Variants in LDB2 observed in about 807,000 individuals in gnomAD.
The protein encoded by LDB2 is LIM domain-binding protein 2.
Under a neutral mutation model 44.3 loss-of-function variants are expected in LDB2, and 12 were observed. The observed-to-expected ratio is 0.27, with a 90% CI of 0.17 to 0.44. The LOEUF is 0.44. Ranked by LOEUF, LDB2 falls within the 20% of genes least tolerant of loss-of-function variation. LDB2 has a pLI of 1.00. For missense variants in LDB2, 344 were observed against 473.5 expected (o/e 0.73, Z 2.54); for synonymous variants, 164 against 174.8 (o/e 0.94, Z 0.49).
rs764758486 is a variant in LDB2 at position 16,872,288 on chromosome 4, C to T, written c.132+26066G>A. 2.2e-4 allele frequency among the ~76,000 whole-genome samples: 33 copies of T among 151,770 alleles called. 1 individual carries two copies. The Middle Eastern group carries it at 0.017, about 78-fold the overall frequency. ...GTCTCTATCCTGTGACTGTATTTTT[C>T]TTCATATTATTTTTATTCTTTTATC... On this transcript the variant is annotated intron_variant, in intron 1 of 7. Transcript: ENST00000304523.
chr4:16,885,973 T>C (rs914654991), intron 1 of LDB2, among the ~76,000 whole-genome samples: 1 of 152,128 alleles, frequency 6.6e-6, no homozygotes, highest in Non-Finnish European at 1.5e-5. Flanking sequence ...CCCAGCACTT[T>C]GGGAGGCCGA....
In LDB2 at chr4:16,640,028, A is replaced by G. The variant is rs189863951; in HGVS notation, c.236-44153T>C. 2.3e-4 allele frequency among the ~76,000 whole-genome samples: 35 copies of G among 152,298 alleles called. No homozygotes were observed. The East Asian group carries it at 5.8e-3, about 25-fold the overall frequency. ...CTAATTCCCAAATTTTCATCTATCC[A>G]TCTGTCCATCCTTCTGTTAATTATT... On this transcript the variant is annotated intron_variant, in intron 2 of 7. Coordinates refer to ENST00000304523, the MANE Select transcript of LDB2 (RefSeq NM_001290.5).
intron 2 of LDB2, among the ~76,000 whole-genome samples, chr4:16,706,474 G>A (rs1754638776): frequency 6.6e-6 from 1 of 152,198 alleles, no homozygotes; most frequent in Non-Finnish European, 1.5e-5. Context: ...CCCAATTCTA[G>A]AACTGCGAGA....
chr4:16,728,263 T>C (rs1759961290), intron 2 of LDB2, among the ~76,000 whole-genome samples: 1 of 152,138 alleles, frequency 6.6e-6, no homozygotes. Flanking sequence ...AGTAAATCCT[T>C]CATGCAACAA....
At chr4:16,526,516 A>G (rs538249191) in intron 5 of LDB2, among the ~76,000 whole-genome samples, 10 of 152,198 alleles carry the variant, frequency 6.6e-5, no homozygotes, top group Non-Finnish European at 1.0e-4. Flanking sequence ...ACATGAGCCA[A>G]TGCACCTAAT....
chr4:16,722,228 T>C (rs1758427536), intron 2 of LDB2, among the ~76,000 whole-genome samples: 1 of 152,134 alleles, frequency 6.6e-6, no homozygotes, highest in Admixed American at 6.6e-5. Flanking sequence ...AGAGAATCCT[T>C]CCAACAACCT....
intron 2 of LDB2, among the ~76,000 whole-genome samples, chr4:16,712,668 A>C (rs1311945665): frequency 1.3e-5 from 2 of 152,168 alleles, no homozygotes; most frequent in African/African-American, 4.8e-5. Flanking sequence ...ATGAGATACT[A>C]CTTCATACAC....
intron 5 of LDB2, among the ~76,000 whole-genome samples, chr4:16,514,738 A>G (rs1010379668): frequency 1.3e-5 from 2 of 152,214 alleles, no homozygotes; most frequent in Non-Finnish European, 2.9e-5. Context: ...ACCAGGCTGT[A>G]AAGTAATGAG....
At chr4:16,883,182 C>T (rs902088484) in intron 1 of LDB2, among the ~76,000 whole-genome samples, 1 of 152,148 alleles carries the variant, frequency 6.6e-6, no homozygotes, top group African/African-American at 2.4e-5. Flanking sequence ...AGAAAAAGAG[C>T]TGAAGGAGGC....
chr4:16,778,692 C>T (rs1021084018), intron 1 of LDB2, among the ~76,000 whole-genome samples: 1 of 152,220 alleles, frequency 6.6e-6, no homozygotes, highest in African/African-American at 2.4e-5. Flanking sequence ...TGTTTTCTCT[C>T]TCTCAGGCAC....
At chr4:16,816,407 C>CTTTTTTTTTTTTTTTTT (rs1171864969) in intron 1 of LDB2, among the ~76,000 whole-genome samples, 1 of 121,022 alleles carries the variant, frequency 8.3e-6, no homozygotes, top group African/African-American at 3.2e-5. Context: ...CTTTTTCTTT[C>CTTTTTTTTTTTTTTTTT]TTTTTTTTTT....
At chr4:16,801,886 G>A (rs1164193627) in intron 1 of LDB2, among the ~76,000 whole-genome samples, 2 of 152,122 alleles carry the variant, frequency 1.3e-5, no homozygotes, top group East Asian at 1.9e-4. Context: ...TTTTTGAATG[G>A]ACTGTCCCAT....
At chr4:16,508,408 C>A in intron 7 of LDB2, 127 bp downstream of exon 7, 21 of 820,328 alleles carry the variant, frequency 2.6e-5, no homozygotes, top group South Asian at 2.9e-5. Context: ...TGTCTTTTAT[C>A]CCTCCCCCAC....
In LDB2 at chr4:16,655,896, C is replaced by CTTTTTTTTTTTTTTTTT. The variant is rs747097456; in HGVS notation, c.236-60038_236-60022dup. 1.7e-4 allele frequency among the ~76,000 whole-genome samples: 16 copies of CTTTTTTTTTTTTTTTTT among 93,314 alleles called. 3 individuals are homozygous for CTTTTTTTTTTTTTTTTT. The highest frequency in any genetic ancestry group is 2.6e-4 in the African/African-American group (6 of 22,784). The allele number at this position is 93,314 out of a possible 152,430, so 61.2% of individuals were successfully genotyped here. ...AAACGTTGGTTGTTCTGCAAGAAAA[C>CTTTTTTTTTTTTTTTTT]TTTTTTTTTTTTTTTTTTTTTGAGA... On this transcript the variant is annotated intron_variant, in intron 2 of 7. Transcript: ENST00000304523.
intron 3 of LDB2, among the ~76,000 whole-genome samples, chr4:16,593,678 G>A (rs751746608): frequency 2.0e-5 from 3 of 152,172 alleles, no homozygotes; most frequent in Non-Finnish European, 4.4e-5. Flanking sequence ...CATCAGATGG[G>A]TGGTCCAAAC....
chr4:16,616,472 G>C (rs1313165947), intron 2 of LDB2, among the ~76,000 whole-genome samples: 1 of 152,010 alleles, frequency 6.6e-6, no homozygotes, highest in African/African-American at 2.4e-5. Context: ...GAGGTGCTGA[G>C]AATAAAATCA....
intron 5 of LDB2, among the ~76,000 whole-genome samples, chr4:16,532,866 A>G (rs1730617277): frequency 6.6e-6 from 1 of 152,050 alleles, no homozygotes; most frequent in African/African-American, 2.4e-5. Context: ...AGGAATTTCT[A>G]TCCCTCCCTG....
At chr4:16,722,665 T>C (rs1758539451) in intron 2 of LDB2, among the ~76,000 whole-genome samples, 1 of 152,170 alleles carries the variant, frequency 6.6e-6, no homozygotes. Context: ...TTATCCAATC[T>C]TTCTTATCTA....
At chr4:16,590,396 A>G (rs1022943138) in intron 3 of LDB2, among the ~76,000 whole-genome samples, 2 of 152,232 alleles carry the variant, frequency 1.3e-5, no homozygotes, top group Admixed American at 6.5e-5. Context: ...TTGTAAAACT[A>G]TAGTCCACGA....
Sources: gnomAD v4.1 joint callset for allele counts (sites outside exome capture counted in the v4.1 genomes callset) on GRCh38, gnomAD v4.1.1 for gene constraint, MANE v1.5 for transcripts, NCBI Gene and HGNC (gene_info 2026-07-23, HGNC 2026-07-21) for gene names.